The following SGCZ variants were observed in gnomAD, a reference collection of about 807,000 sequenced individuals.
SGCZ encodes sarcoglycan zeta, also known as zeta-sarcoglycan.
In SGCZ, 40 loss-of-function variants were observed where a neutral mutation model predicts 41.3. The observed-to-expected ratio is 0.97, with a 90% CI of 0.75 to 1.26. SGCZ has a LOEUF of 1.26. Among genes scored for constraint, SGCZ ranks in the 50% most tolerant of loss-of-function variants. The probability of loss-of-function intolerance (pLI) is 0.00; values close to 1 mark genes in which losing one functional copy is unlikely to be tolerated. For missense variants in SGCZ, 552 were observed against 369.8 expected (o/e 1.49, Z -4.04); for synonymous variants, 206 against 137.5 (o/e 1.50, Z -3.49).
intron 1 of SGCZ, among the ~76,000 whole-genome samples, chr8:14,749,948 A>G (rs923923458): frequency 3.9e-5 from 6 of 152,216 alleles, no homozygotes; most frequent in African/African-American, 1.2e-4. Flanking sequence ...TTGTTGAACC[A>G]AATTGTAAAA....
intron 1 of SGCZ, among the ~76,000 whole-genome samples, chr8:14,792,092 G>C (rs943808012): frequency 4.6e-4 from 70 of 152,144 alleles, no homozygotes; most frequent in Non-Finnish European, 1.2e-4. Flanking sequence ...GCCAAAATTT[G>C]ACAGATTCTG....
chr8:14,909,126 C>G (rs1477222111), intron 1 of SGCZ, among the ~76,000 whole-genome samples: 1 of 152,024 alleles, frequency 6.6e-6, no homozygotes, highest in African/African-American at 2.4e-5. Context: ...ACTATTAATC[C>G]ATTCAGTTAA....
intron 1 of SGCZ, among the ~76,000 whole-genome samples, chr8:14,594,933 A>AATT (rs1805360614): frequency 1.3e-5 from 2 of 151,868 alleles, no homozygotes; most frequent in Admixed American, 1.3e-4. Context: ...ATAACTCAAT[A>AATT]GAGACTTGGC....
At position 14,554,908 on chromosome 8, in the gene SGCZ, T is replaced by G. The variant is rs1803986039; in HGVS notation, c.58A>C (p.Ile20Leu). The G allele has an allele frequency of 6.2e-7, 1 of 1,605,946 alleles. No homozygotes were observed. The highest frequency in any genetic ancestry group is 8.5e-7 in the Non-Finnish European group (1 of 1,174,880). Residue 20 changes from isoleucine to leucine, a missense_variant, in exon 2 of 8, where the codon ATA (isoleucine) becomes CTA (leucine). By Grantham distance (5) the Ile-to-Leu change is conservative. Transcript: ENST00000382080. ...EELKMTREQY[I>L]LATQQNNLPR... ...AGGTTATTCTGTTGGGTTGCTAGTA[T>G]GTATTGTTCTCGTGTCATCTGAAAA... is the stretch of plus-strand genomic sequence containing the variant.
chr8:14,354,439 G>A (rs1337634421), intron 2 of SGCZ, among the ~76,000 whole-genome samples: 1 of 151,828 alleles, frequency 6.6e-6, no homozygotes, highest in Non-Finnish European at 1.5e-5. Context: ...CTAAGGAAAA[G>A]TGGGTAAAAT....
At chr8:14,775,137 C>G (rs1800361555) in intron 1 of SGCZ, among the ~76,000 whole-genome samples, 3 of 152,132 alleles carry the variant, frequency 2.0e-5, no homozygotes, top group Admixed American at 1.3e-4. Context: ...ACAACTTCAG[C>G]TAGGTCTTAT....
chr8:14,595,853 T>C (rs758441312), intron 1 of SGCZ, among the ~76,000 whole-genome samples: 2 of 152,196 alleles, frequency 1.3e-5, no homozygotes, highest in Non-Finnish European at 2.9e-5. Flanking sequence ...AGCTGTGTCA[T>C]GTGAACACAG....
intron 2 of SGCZ, among the ~76,000 whole-genome samples, chr8:14,408,966 T>TGTGTGTGTGCGTGCGTGTGC (rs1395616202): frequency 1.5e-5 from 2 of 136,776 alleles, no homozygotes; most frequent in Non-Finnish European, 3.0e-5. Flanking sequence ...TGTGTGTGTG[T>TGTGTGTGTGCGTGCGTGTGC]GTGTGCATGT....
chr8:15,031,192 T>C (rs1052744944), intron 1 of SGCZ, among the ~76,000 whole-genome samples: 5 of 152,144 alleles, frequency 3.3e-5, no homozygotes, highest in African/African-American at 9.7e-5. Flanking sequence ...GTGCATAATG[T>C]TATTAATTTT....
At chr8:15,091,642 T>G (rs1806157484) in intron 1 of SGCZ, among the ~76,000 whole-genome samples, 1 of 152,188 alleles carries the variant, frequency 6.6e-6, no homozygotes, top group Admixed American at 6.5e-5. Context: ...CTAAAAAAAT[T>G]TCCAATTTAA....
At chr8:15,124,951 A>G (rs1366427990) in intron 1 of SGCZ, among the ~76,000 whole-genome samples, 5 of 151,256 alleles carry the variant, frequency 3.3e-5, no homozygotes, top group Non-Finnish European at 3.0e-5. Context: ...ATGAATTATG[A>G]AAAAAAACAA....
intron 1 of SGCZ, among the ~76,000 whole-genome samples, chr8:14,925,701 A>G (rs1193222666): frequency 1.3e-5 from 2 of 152,228 alleles, no homozygotes; most frequent in Non-Finnish European, 2.9e-5. Flanking sequence ...TCCCTCAGAC[A>G]CGACAATACT....
chr8:14,751,578 C>T (rs530814783), intron 1 of SGCZ, among the ~76,000 whole-genome samples: 2 of 152,014 alleles, frequency 1.3e-5, no homozygotes, highest in East Asian at 1.9e-4. Flanking sequence ...TTTTTATTTC[C>T]ACAGATTGAA....
intron 1 of SGCZ, among the ~76,000 whole-genome samples, chr8:15,055,776 G>C (rs1430898917): frequency 6.6e-6 from 1 of 152,148 alleles, no homozygotes; most frequent in Non-Finnish European, 1.5e-5. Context: ...TGAAGCTTGT[G>C]AGCAAAATCC....
chr8:14,426,825 T>C (rs1799795747), intron 2 of SGCZ, among the ~76,000 whole-genome samples: 1 of 152,154 alleles, frequency 6.6e-6, no homozygotes, highest in Admixed American at 6.6e-5. Context: ...AGATTGGAAA[T>C]ATATCATGAA....
In SGCZ at chr8:14,177,958, C is replaced by CTTTTCTTTTTTTTTCTT. The variant is rs767919994; in HGVS notation, c.425-13257_425-13256insAAGAAAAAAAAAGAAAA. Among the ~76,000 whole-genome samples the CTTTTCTTTTTTTTTCTT allele has an allele frequency of 8.2e-3, 778 of 95,052 alleles. 21 individuals carry two copies. The highest frequency in any genetic ancestry group is 0.01 in the African/African-American group (272 of 27,180). The allele number at this position is 95,052 out of a possible 152,430, so 62.4% of individuals were successfully genotyped here. ...TTTTTTCCTTCTTTTCTTTTTTTTTCTTTTTTTTTTTTTTTTTGAGACGAA... is the reference window on the plus strand; with the variant it reads ...TTTTTTCCTTCTTTTCTTTTTTTTTCTTTTCTTTTTTTTTCTTTTTTTTTTTTTTTTTTTGAGACGAA... On this transcript the variant is annotated intron_variant, in intron 4 of 7. Transcript: ENST00000382080.
chr8:14,400,027 C>T (rs1289615256), intron 2 of SGCZ, among the ~76,000 whole-genome samples: 2 of 151,952 alleles, frequency 1.3e-5, no homozygotes, highest in African/African-American at 2.4e-5. Context: ...TGTTCCCTTC[C>T]CCCAATAAGC....
chr8:14,600,950 A>G (rs1449240671), intron 1 of SGCZ, among the ~76,000 whole-genome samples: 1 of 151,354 alleles, frequency 6.6e-6, no homozygotes, highest in African/African-American at 2.4e-5. Flanking sequence ...TGAATCGGAG[A>G]TGACTTTTTC....
chr8:14,378,903 T>C (rs907192458), intron 2 of SGCZ, among the ~76,000 whole-genome samples: 1 of 152,166 alleles, frequency 6.6e-6, no homozygotes, highest in Non-Finnish European at 1.5e-5. Context: ...AAATCTTTAT[T>C]TGACTTATAA....
Sources: gnomAD v4.1 joint callset for allele counts (sites outside exome capture counted in the v4.1 genomes callset) on GRCh38, gnomAD v4.1.1 for gene constraint, MANE v1.5 for transcripts, NCBI Gene and HGNC (gene_info 2026-07-23, HGNC 2026-07-21) for gene names.